Variants in CNTNAP4 observed in about 807,000 individuals in gnomAD.
The protein encoded by CNTNAP4 is contactin-associated protein-like 4.
Under a neutral mutation model 148.4 loss-of-function variants are expected in CNTNAP4, and 98 were observed. The ratio of observed to expected loss-of-function variants is 0.66; its 90% confidence interval spans 0.56 to 0.78. The LOEUF (loss-of-function observed/expected upper bound fraction) is 0.78. Ranked by LOEUF, CNTNAP4 falls within the 30% of genes least tolerant of loss-of-function variation. The pLI is 0.00. For synonymous variants in CNTNAP4, 730 were observed against 565.1 expected (o/e 1.29, Z -4.14); for missense variants, 1,935 against 1,565.6 (o/e 1.24, Z -3.98).
intron 3 of CNTNAP4, among the ~76,000 whole-genome samples, chr16:76,405,463 G>C (rs1185954517): frequency 1.3e-5 from 2 of 152,180 alleles, no homozygotes; most frequent in Non-Finnish European, 2.9e-5. Flanking sequence ...AAAGGTAACT[G>C]CTAATAGCTT....
At chr16:76,382,611 A>T (rs1010383742) in intron 3 of CNTNAP4, among the ~76,000 whole-genome samples, 6 of 152,206 alleles carry the variant, frequency 3.9e-5, no homozygotes, top group African/African-American at 1.4e-4. Context: ...AATTAGATAC[A>T]TCAATATGAA....
intron 1 of CNTNAP4, among the ~76,000 whole-genome samples, chr16:76,298,283 G>GTTTAATCAAAAT (rs1959524243): frequency 1.3e-5 from 2 of 152,158 alleles, no homozygotes; most frequent in Admixed American, 6.6e-5. Flanking sequence ...AGAACTGTGT[G>GTTTAATCAAAAT]TTTAATCAAA....
intron 17 of CNTNAP4, among the ~76,000 whole-genome samples, chr16:76,522,634 C>CTTCCTTCCTTCTTTCT (rs151001744): frequency 2.7e-5 from 2 of 73,086 alleles, no homozygotes; most frequent in African/African-American, 8.5e-5. Context: ...TCCTTCCTTC[C>CTTCCTTCCTTCTTTCT]TTCTTTCTTT....
chr16:76,468,497 TA>T lies in CNTNAP4; in HGVS notation c.1655+975del, dbSNP rs960512776. Among the ~76,000 whole-genome samples, 143 of 149,712 alleles carry T rather than the reference TA, an allele frequency of 9.6e-4. 1 individual carries two copies. The highest frequency in any genetic ancestry group is 1.7e-4 in the Non-Finnish European group (11 of 66,632). On this transcript the variant is annotated intron_variant, in intron 10 of 23. Transcript: ENST00000611870. ...TCAAAATAAATAAATAAATAAATAA[TA>T]TTTTTTTGAGACAAGGTCTGGCTCT...
intron 14 of CNTNAP4, 52 bp from the exon 15 acceptor site, chr16:76,498,515 A>G: frequency 2.6e-6 from 4 of 1,546,004 alleles, no homozygotes; most frequent in South Asian, 2.5e-5. Flanking sequence ...TTGCAATGCA[A>G]TAAGGACTAT....
intron 23 of CNTNAP4, chr16:76,557,369 C>A (rs1003528147): frequency 1.3e-5 from 2 of 152,106 alleles, no homozygotes; most frequent in African/African-American, 4.8e-5. Flanking sequence ...TTACATGAAG[C>A]AAAAAGCAAC....
Position 76,522,262 on chromosome 16 carries a change from G to C in CNTNAP4, c.2755+5G>C. Reference sequence around the variant, plus strand: ...TCAACAGTCAGCTCTTCGTGGGTAAGTTCTCTTTTTAAGCAATCATTTTAT... The same window carrying C: ...TCAACAGTCAGCTCTTCGTGGGTAACTTCTCTTTTTAAGCAATCATTTTAT... On this transcript the variant is annotated splice_donor_5th_base_variant and intron_variant, in intron 17 of 23. Transcript: ENST00000611870. The C allele has an allele frequency of 1.9e-6, 3 of 1,612,786 alleles. No individual in the cohort carries two copies. Among genetic ancestry groups the C allele is most frequent in the Non-Finnish European group, 2.5e-6 (3 of 1,179,300 alleles).
At chr16:76,382,187 G>C (rs536113211) in intron 3 of CNTNAP4, among the ~76,000 whole-genome samples, 1 of 150,290 alleles carries the variant, frequency 6.7e-6, no homozygotes, top group Non-Finnish European at 1.5e-5. Context: ...TTTTACTGTA[G>C]AGTAATATAC....
chr16:76,355,144 ATATAAT>A (rs1429784372), intron 2 of CNTNAP4, among the ~76,000 whole-genome samples, 168 bp from the exon 3 acceptor site: 3 of 152,250 alleles, frequency 2.0e-5, no homozygotes, highest in African/African-American at 7.2e-5. Flanking sequence ...CATAGACATC[ATATAAT>A]TATACTAAAT....
At position 76,558,810 on chromosome 16, in the gene CNTNAP4, T is replaced by G. The variant is rs773188989; in HGVS notation, c.*127T>G. 12 of 669,050 alleles carry G rather than the reference T, an allele frequency of 1.8e-5. No homozygotes were observed. The highest frequency in any genetic ancestry group is 3.0e-5 in the Non-Finnish European group (12 of 406,612). The allele number at this position is 669,050 out of a possible 1,614,324, so 41.4% of individuals were successfully genotyped here. A position where few individuals can be genotyped will look rare whatever the true frequency, so the allele number is the denominator to read the frequency against. The stretch of plus-strand genomic sequence containing the variant: ...GGCTTGCAGCACTGCCATCTTGCCA[T>G]GTACAGGCTTGGGGTGGCTCCAGGA... On this transcript the variant is annotated 3_prime_UTR_variant, in exon 24 of 24. Transcript: ENST00000611870.
intron 3 of CNTNAP4, among the ~76,000 whole-genome samples, chr16:76,377,887 A>C (rs560782604): frequency 7.2e-5 from 11 of 152,334 alleles, no homozygotes; most frequent in African/African-American, 2.6e-4. Flanking sequence ...TTTGGATTTC[A>C]GGTGGGATGA....
At chr16:76,408,773 A>G (rs948158456) in intron 3 of CNTNAP4, among the ~76,000 whole-genome samples, 4 of 152,020 alleles carry the variant, frequency 2.6e-5, no homozygotes, top group African/African-American at 4.8e-5. Flanking sequence ...ACAACTTTCC[A>G]AAGACCTCAA....
At chr16:76,281,022 A>T (rs1048404670) in intron 1 of CNTNAP4, among the ~76,000 whole-genome samples, 28 of 152,068 alleles carry the variant, frequency 1.8e-4, no homozygotes, top group African/African-American at 6.8e-4. Flanking sequence ...ACTTAATTAG[A>T]AGTTAACATC....
intron 4 of CNTNAP4, 109 bp downstream of exon 4, chr16:76,427,708 A>T (rs1480125882): frequency 6.8e-6 from 7 of 1,030,758 alleles, no homozygotes; most frequent in Non-Finnish European, 9.5e-6. Flanking sequence ...GGTATAAAAA[A>T]TAGGAATAAT....
intron 3 of CNTNAP4, among the ~76,000 whole-genome samples, chr16:76,424,817 AAG>A (rs1238980825): frequency 5.9e-5 from 9 of 152,092 alleles, no homozygotes; most frequent in Admixed American, 2.6e-4. Flanking sequence ...CCCAAAGAGA[AAG>A]AGAGAACAAA....
rs188957219 is a variant in CNTNAP4, at chr16:76,479,751, A to G, written c.1882+213A>G. Among the ~76,000 whole-genome samples, 6 of 152,260 alleles carry G rather than the reference A, an allele frequency of 3.9e-5. No homozygotes were observed. In the East Asian group the frequency reaches 1.2e-3, roughly 29 times the overall value. On this transcript the variant is annotated intron_variant, in intron 12 of 23. Transcript: ENST00000611870. ...AATGCATGTGGCATCTGTGTAAAAC[A>G]TCTAATAATAAATGTTTCCAATTAT...
At chr16:76,305,756 C>T (rs1042873655) in intron 1 of CNTNAP4, among the ~76,000 whole-genome samples, 12 of 149,934 alleles carry the variant, frequency 8.0e-5, no homozygotes, top group Non-Finnish European at 1.3e-4. Flanking sequence ...TATATTGCAC[C>T]CAGGTAGTGA....
At chr16:76,412,468 A>G (rs1019130287) in intron 3 of CNTNAP4, among the ~76,000 whole-genome samples, 1 of 151,416 alleles carries the variant, frequency 6.6e-6, no homozygotes, top group Non-Finnish European at 1.5e-5. Flanking sequence ...TATTCTCAAC[A>G]GCAGTGTATT....
intron 2 of CNTNAP4, among the ~76,000 whole-genome samples, chr16:76,333,069 C>G (rs988537133): frequency 2.0e-5 from 3 of 152,282 alleles, no homozygotes; most frequent in African/African-American, 7.2e-5. Flanking sequence ...GGAAGTTAAA[C>G]TATTCTTGTA....
Sources: gnomAD v4.1 joint callset for allele counts (sites outside exome capture counted in the v4.1 genomes callset) on GRCh38, gnomAD v4.1.1 for gene constraint, MANE v1.5 for transcripts, NCBI Gene and HGNC (gene_info 2026-07-23, HGNC 2026-07-21) for gene names.